The following MLLT1 variants were observed in gnomAD, a reference collection of about 807,000 sequenced individuals.
The protein encoded by MLLT1 is protein ENL.
In MLLT1, 11 loss-of-function variants were observed where a neutral mutation model predicts 55.1. The observed-to-expected ratio is 0.20, with a 90% CI of 0.13 to 0.33. MLLT1 has a LOEUF of 0.33. MLLT1 is among the 10% of genes least tolerant of loss of function. The pLI, the probability that MLLT1 is intolerant of heterozygous loss-of-function variation, is 1.00. For synonymous variants in MLLT1, 323 were observed against 320.1 expected (o/e 1.01, Z -0.10); for missense variants, 536 against 760.6 (o/e 0.70, Z 3.47).
intron 3 of MLLT1, among the ~76,000 whole-genome samples, chr19:6,243,159 G>A (rs576915745): frequency 4.6e-5 from 7 of 152,318 alleles, no homozygotes; most frequent in African/African-American, 9.6e-5. Context: ...GGAACGTGGC[G>A]GGGTCACCAA....
intron 2 of MLLT1, among the ~76,000 whole-genome samples, chr19:6,264,993 A>G (rs992065031): frequency 3.3e-5 from 5 of 149,360 alleles, no homozygotes; most frequent in Non-Finnish European, 7.4e-5. Flanking sequence ...AAACTTTCAG[A>G]GCTAAAATGA....
At chr19:6,244,273 C>T (rs1411087366) in intron 3 of MLLT1, among the ~76,000 whole-genome samples, 1 of 151,590 alleles carries the variant, frequency 6.6e-6, no homozygotes, top group Non-Finnish European at 1.5e-5. Flanking sequence ...TGGGCCTAGA[C>T]TTGGTAAATA....
chr19:6,218,517 A>C (rs1300962029), intron 6 of MLLT1, among the ~76,000 whole-genome samples: 2 of 152,222 alleles, frequency 1.3e-5, no homozygotes, highest in Admixed American at 1.3e-4. Context: ...GGTGGCAGAG[A>C]GCTCTGTATC....
intron 3 of MLLT1, among the ~76,000 whole-genome samples, chr19:6,248,791 T>C (rs2091190528): frequency 1.3e-5 from 2 of 152,222 alleles, no homozygotes; most frequent in Non-Finnish European, 1.5e-5. Flanking sequence ...CTGATGCTAC[T>C]GTCTTGGTTT....
At chr19:6,272,641 G>A (rs1256402960) in intron 1 of MLLT1, among the ~76,000 whole-genome samples, 2 of 152,194 alleles carry the variant, frequency 1.3e-5, no homozygotes, top group Non-Finnish European at 2.9e-5. Flanking sequence ...CTGAGAGCAG[G>A]GACTACATCT....
intron 3 of MLLT1, among the ~76,000 whole-genome samples, chr19:6,241,196 C>G (rs1349542528): frequency 6.6e-6 from 1 of 152,206 alleles, no homozygotes; most frequent in Non-Finnish European, 1.5e-5. Context: ...AGGACAGCCT[C>G]TCTCTACCCT....
At chr19:6,245,419 C>T (rs1012021957) in intron 3 of MLLT1, among the ~76,000 whole-genome samples, 3 of 149,650 alleles carry the variant, frequency 2.0e-5, no homozygotes, top group Non-Finnish European at 4.4e-5. Flanking sequence ...AATAACTCAC[C>T]GGATGTGAGG....
rs1219663418 is a variant in MLLT1, at chr19:6,219,695, G to C, written c.1111-1654C>G. On this transcript the variant is annotated intron_variant, in intron 6 of 11. Coordinates refer to ENST00000252674, the MANE Select transcript of MLLT1 (RefSeq NM_005934.4). The surrounding 1 kb of genome is among the most constrained non-coding windows in gnomAD (Gnocchi z 4.5). Reference sequence around the variant, plus strand: ...GGAGGTGGACTGGAGAAGTATCCAAGGTCCTGGCCCCATATCCCATGCACT... The same window carrying C: ...GGAGGTGGACTGGAGAAGTATCCAACGTCCTGGCCCCATATCCCATGCACT... 1.3e-5 allele frequency among the ~76,000 whole-genome samples: 2 copies of C among 152,192 alleles called. No individual in the cohort carries two copies. The highest frequency in any genetic ancestry group is 2.9e-5 in the Non-Finnish European group (2 of 68,026).
intron 2 of MLLT1, among the ~76,000 whole-genome samples, chr19:6,268,038 G>T (rs868644395): frequency 6.6e-6 from 1 of 152,138 alleles, no homozygotes. Flanking sequence ...TGGACAAGAT[G>T]AAGAAGTCAT....
intron 2 of MLLT1, among the ~76,000 whole-genome samples, chr19:6,268,144 A>C (rs1222669671): frequency 6.6e-6 from 1 of 152,246 alleles, no homozygotes; most frequent in Non-Finnish European, 1.5e-5. Context: ...TGGGCAACGA[A>C]ACCGCGATTG....
At chr19:6,247,289 A>G (rs952803460) in intron 3 of MLLT1, among the ~76,000 whole-genome samples, 6 of 152,182 alleles carry the variant, frequency 3.9e-5, no homozygotes, top group Non-Finnish European at 7.3e-5. Context: ...TTGGCTTTTA[A>G]ATACCATTTT....
rs1276552021 is a variant in MLLT1, at chr19:6,231,850, A to T, written c.277-1137T>A. Among the ~76,000 whole-genome samples the T allele has an allele frequency of 6.6e-6, 1 of 151,980 alleles. No individual in the cohort carries two copies. The highest frequency in any genetic ancestry group is 1.9e-4 in the East Asian group (1 of 5,174). On this transcript the variant is annotated intron_variant, in intron 3 of 11. Transcript: ENST00000252674. This position sits in a 1 kb window ranked among gnomAD's most constrained non-coding sequence, Gnocchi z 5.1. Reference sequence around the variant, plus strand: ...TTCCTTAAGAACCCTGCCCCATCCCAAATGATGTAAGCCACAGGTCCCAGG... The same window carrying T: ...TTCCTTAAGAACCCTGCCCCATCCCTAATGATGTAAGCCACAGGTCCCAGG...
rs2090764055 is a variant in MLLT1, at chr19:6,211,083, C to G, written c.*1959G>C. 4.3e-6 allele frequency: 1 copy of G among 232,332 alleles called. No homozygotes were observed. 14.4% of individuals were successfully genotyped at this position (232,332 alleles called of 1,614,324 possible). A position where few individuals can be genotyped will look rare whatever the true frequency, so the allele number is the denominator to read the frequency against. On this transcript the variant is annotated 3_prime_UTR_variant, in exon 12 of 12. Coordinates refer to ENST00000252674, the MANE Select transcript of MLLT1 (RefSeq NM_005934.4). The surrounding 1 kb of genome is among the most constrained non-coding windows in gnomAD (Gnocchi z 4.6). ...GGGGACTCCTGCGAAGGAGAAAGGCCAGCACCCTGGGCTGAGGTTCCTGTC... is the reference window on the plus strand; with the variant it reads ...GGGGACTCCTGCGAAGGAGAAAGGCGAGCACCCTGGGCTGAGGTTCCTGTC...
intron 3 of MLLT1, among the ~76,000 whole-genome samples, chr19:6,258,992 C>T (rs1049930493): frequency 8.5e-5 from 13 of 152,210 alleles, no homozygotes; most frequent in African/African-American, 3.1e-4. Flanking sequence ...CTTCCTGATG[C>T]CTGAGAAGCA....
intron 3 of MLLT1, among the ~76,000 whole-genome samples, chr19:6,253,390 C>T (rs2091235088): frequency 6.7e-6 from 1 of 150,180 alleles, no homozygotes; most frequent in African/African-American, 2.5e-5. Flanking sequence ...GTTCACTGAA[C>T]TCCATGGAAC....
chr19:6,251,575 C>G (rs925034340), intron 3 of MLLT1, among the ~76,000 whole-genome samples: 1 of 152,086 alleles, frequency 6.6e-6, no homozygotes, highest in African/African-American at 2.4e-5. Context: ...TAAAGAAGAA[C>G]CAAACTCAGA....
intron 2 of MLLT1, among the ~76,000 whole-genome samples, chr19:6,268,239 T>C (rs1469843076): frequency 6.6e-6 from 1 of 152,182 alleles, no homozygotes; most frequent in African/African-American, 2.4e-5. Context: ...GCTCACATCA[T>C]CATTCAAAGT....
At position 6,235,718 on chromosome 19, in the gene MLLT1, C is replaced by G. The variant is rs1437540522; in HGVS notation, c.277-5005G>C. On this transcript the variant is annotated intron_variant, in intron 3 of 11. Transcript: ENST00000252674. The surrounding 1 kb of genome is among the most constrained non-coding windows in gnomAD (Gnocchi z 5.5). ...TCCTAACCGTCACCCGCTTCCACCA[C>G]AGCCCCCTTTCAGGCACGGTATCTC... 6.6e-6 allele frequency among the ~76,000 whole-genome samples: 1 copy of G among 152,242 alleles called. No individual in the cohort carries two copies. Among genetic ancestry groups the G allele is most frequent in the African/African-American group, 2.4e-5 (1 of 41,472 alleles).
At chr19:6,218,144 C>G in intron 6 of MLLT1, 103 bp from the exon 7 acceptor site, 1 of 1,469,352 alleles carries the variant, frequency 6.8e-7, no homozygotes, top group East Asian at 2.6e-5. Flanking sequence ...CTGAGTGGGT[C>G]TCCCCCAGAC....
Sources: allele counts gnomAD v4.1 joint callset (sites outside exome capture counted in the v4.1 genomes callset), GRCh38; gene constraint gnomAD v4.1.1; non-coding constraint Gnocchi (gnomAD v3.1); transcripts MANE v1.5; gene names NCBI Gene and HGNC (gene_info 2026-07-23, HGNC 2026-07-21).